The following TENM4 variants were observed in gnomAD, a reference collection of about 807,000 sequenced individuals.
TENM4 encodes the protein teneurin transmembrane protein 4.
TENM4 carries 82 observed loss-of-function variants against 243.3 expected under a neutral mutation model. The ratio of observed to expected loss-of-function variants is 0.34; its 90% confidence interval spans 0.28 to 0.40. TENM4 has a LOEUF of 0.40. Ranked by LOEUF, TENM4 falls within the 10% of genes least tolerant of loss-of-function variation. The pLI, the probability that TENM4 is intolerant of heterozygous loss-of-function variation, is 1.00. For synonymous variants in TENM4, 1,412 were observed against 1,456.3 expected (o/e 0.97, Z 0.69); for missense variants, 3,138 against 3,673.3 (o/e 0.85, Z 3.77).
intron 14 of TENM4, among the ~76,000 whole-genome samples, chr11:78,808,597 C>T (rs1857436371): frequency 6.6e-6 from 1 of 152,156 alleles, no homozygotes; most frequent in South Asian, 2.1e-4. Flanking sequence ...AGGCCTCTTA[C>T]CATTTCCCCT....
rs931263876 is a variant in TENM4 at position 79,346,781 on chromosome 11, G to A, written c.-320-49238C>T. Among the ~76,000 whole-genome samples, 66 of 152,106 alleles carry A rather than the reference G, an allele frequency of 4.3e-4. 1 individual carries two copies. The highest frequency in any genetic ancestry group is 7.4e-5 in the Non-Finnish European group (5 of 67,996). On this transcript the variant is annotated intron_variant, in intron 1 of 33. Coordinates refer to ENST00000278550, the MANE Select transcript of TENM4 (RefSeq NM_001098816.3). ...CACACTTTCCTCATCTGTAAAATGG[G>A]CATAAACCATTTTCCCCCAACTGCC...
chr11:79,392,515 G>C (rs1036519689), intron 1 of TENM4, among the ~76,000 whole-genome samples: 78 of 152,324 alleles, frequency 5.1e-4, no homozygotes, highest in African/African-American at 1.8e-3. Flanking sequence ...GTTTCTTTGT[G>C]TGCTCCTGGA....
intron 2 of TENM4, among the ~76,000 whole-genome samples, chr11:79,282,288 G>C (rs1856170479): frequency 6.6e-6 from 1 of 152,146 alleles, no homozygotes; most frequent in South Asian, 2.1e-4. Flanking sequence ...TCATCAGATT[G>C]GGTGGCCCTT....
At chr11:78,859,672 TC>T (rs923208595) in intron 10 of TENM4, among the ~76,000 whole-genome samples, 4 of 152,226 alleles carry the variant, frequency 2.6e-5, no homozygotes, top group Non-Finnish European at 4.4e-5. Flanking sequence ...TTGGTTCTTT[TC>T]AATGCAATAA....
At chr11:78,977,741 TTTA>T (rs1435925598) in intron 6 of TENM4, among the ~76,000 whole-genome samples, 242 of 152,310 alleles carry the variant, frequency 1.6e-3, no homozygotes, top group African/African-American at 5.7e-3. Flanking sequence ...GAGGAAGGCT[TTTA>T]CACTGTTGGT....
rs189843883 is a variant in TENM4, at chr11:78,668,647, T to C, written c.7408+290A>G. 2.6e-4 allele frequency among the ~76,000 whole-genome samples: 39 copies of C among 152,302 alleles called. No individual in the cohort carries two copies. In the East Asian group the frequency reaches 4.2e-3, roughly 17 times the overall value. On this transcript the variant is annotated intron_variant, in intron 32 of 33. Transcript: ENST00000278550. ...AAGTTTGAGAAATAGTGGGCAAATA[T>C]ATTAAATAGTTCACTTTTATAGCAC... is the stretch of plus-strand genomic sequence containing the variant.
At chr11:79,061,565 C>A (rs182461973) in intron 6 of TENM4, among the ~76,000 whole-genome samples, 221 of 152,332 alleles carry the variant, frequency 1.5e-3, no homozygotes, top group African/African-American at 4.8e-3. Flanking sequence ...TATCACCCAA[C>A]AGAGGCTTAA....
intron 1 of TENM4, among the ~76,000 whole-genome samples, chr11:79,388,841 T>C (rs1209810152): frequency 6.6e-6 from 1 of 152,168 alleles, no homozygotes; most frequent in African/African-American, 2.4e-5. Context: ...GAGGGCATCT[T>C]CCTGGAGAAG....
chr11:78,800,400 A>G (rs1857255986), intron 15 of TENM4, among the ~76,000 whole-genome samples: 1 of 152,150 alleles, frequency 6.6e-6, no homozygotes, highest in South Asian at 2.1e-4. Flanking sequence ...AACTAACATG[A>G]TCTAGGTCTG....
intron 6 of TENM4, among the ~76,000 whole-genome samples, chr11:78,931,879 T>A (rs1457593239): frequency 1.3e-5 from 2 of 152,176 alleles, no homozygotes; most frequent in African/African-American, 4.8e-5. Context: ...TGTAGTCCCA[T>A]CTACTTGGGA....
intron 29 of TENM4, among the ~76,000 whole-genome samples, chr11:78,684,645 T>C (rs1269793652): frequency 3.3e-5 from 5 of 152,228 alleles, no homozygotes; most frequent in East Asian, 1.9e-4. Flanking sequence ...ATAGGTTCTA[T>C]AGAGCCTGTT....
chr11:78,722,714 T>C lies in TENM4; in HGVS notation c.3754A>G (p.Arg1252Gly). The C allele has an allele frequency of 6.2e-7, 1 of 1,614,054 alleles. No homozygotes were observed. The highest frequency in any genetic ancestry group is 8.5e-7 in the Non-Finnish European group (1 of 1,179,884). Residue 1252 changes from arginine (R) to glycine (G), a missense_variant, in exon 24 of 34, where the codon AGA becomes GGA. Transcript: ENST00000278550. Reference protein sequence around the residue: ...SLYVGDFNYIRRIFPSGNVTN... With the variant: ...SLYVGDFNYIGRIFPSGNVTN... ...ACATTTCCAGAGGGGAAGATCCTTC[T>C]AATGTAGTTGAAATCACCCACATAG...
chr11:79,236,574 G>C (rs931658600), intron 2 of TENM4, among the ~76,000 whole-genome samples: 1 of 152,090 alleles, frequency 6.6e-6, no homozygotes, highest in Non-Finnish European at 1.5e-5. Context: ...TGTGTCGGAT[G>C]GTGAGCGAAC....
At chr11:78,792,146 A>G (rs1444251575) in intron 15 of TENM4, among the ~76,000 whole-genome samples, 1 of 152,220 alleles carries the variant, frequency 6.6e-6, no homozygotes, top group East Asian at 1.9e-4. Flanking sequence ...TATGCTGTGT[A>G]TGACTAATTG....
chr11:78,718,086 G>A (rs964761960), intron 25 of TENM4, among the ~76,000 whole-genome samples: 3 of 152,138 alleles, frequency 2.0e-5, no homozygotes, highest in Non-Finnish European at 4.4e-5. Flanking sequence ...ACATATTACT[G>A]GGAGTGGCTG....
At chr11:79,233,143 C>T (rs1262722105) in intron 2 of TENM4, among the ~76,000 whole-genome samples, 2 of 152,230 alleles carry the variant, frequency 1.3e-5, no homozygotes, top group African/African-American at 4.8e-5. Context: ...GAGTCAGACG[C>T]CATGCCTTGG....
chr11:78,658,384 G>A lies in TENM4; in HGVS notation c.7984C>T (p.Arg2662Cys), dbSNP rs1460106951. Residue 2662 changes from arginine to cysteine, a missense_variant, in exon 34 of 34, where the codon CGC becomes TGC. Coordinates refer to ENST00000278550, the MANE Select transcript of TENM4 (RefSeq NM_001098816.3). ...TACTGGAGCTGGATGTCTGTGTAGC[G>A]TCTAGTCCTGCCATTAAGTACTGTG... ...INTVLNGRTR[R>C]YTDIQLQYGA... 6.2e-6 allele frequency: 10 copies of A among 1,613,936 alleles called. No individual in the cohort carries two copies. The highest frequency in any genetic ancestry group is 2.2e-5 in the South Asian group (2 of 91,092).
At chr11:79,333,911 T>C (rs1857104570) in intron 1 of TENM4, among the ~76,000 whole-genome samples, 1 of 152,198 alleles carries the variant, frequency 6.6e-6, no homozygotes, top group Non-Finnish European at 1.5e-5. Flanking sequence ...GTTTTTTCCC[T>C]AATGGGTTTC....
At chr11:79,006,711 G>A (rs975787967) in intron 6 of TENM4, among the ~76,000 whole-genome samples, 3 of 152,198 alleles carry the variant, frequency 2.0e-5, no homozygotes, top group Non-Finnish European at 4.4e-5. Flanking sequence ...GCTATCTTTT[G>A]TTACAAAGAA....
Sources: gnomAD v4.1 joint callset for allele counts (sites outside exome capture counted in the v4.1 genomes callset) on GRCh38, gnomAD v4.1.1 for gene constraint, MANE v1.5 for transcripts, NCBI Gene and HGNC (gene_info 2026-07-23, HGNC 2026-07-21) for gene names.